The following ITPR2 variants were observed in gnomAD, a reference collection of about 807,000 sequenced individuals.
ITPR2 encodes inositol 1,4,5-trisphosphate receptor type 2, also known as inositol 1,4,5-trisphosphate-gated calcium channel ITPR2.
In ITPR2, 207 loss-of-function variants were observed where a neutral mutation model predicts 317.1. The ratio of observed to expected loss-of-function variants is 0.65; its 90% CI spans 0.58 to 0.73. ITPR2 has a LOEUF of 0.73. Among genes scored for constraint, ITPR2 ranks in the 30% least tolerant of loss-of-function variants. The pLI is 0.00. For synonymous variants in ITPR2, 1,156 were observed against 1,149.1 expected (o/e 1.01, Z -0.12); for missense variants, 2,613 against 3,284.0 (o/e 0.80, Z 4.99).
At chr12:26,372,119 G>T (rs1389223530) in intron 55 of ITPR2, among the ~76,000 whole-genome samples, 1 of 152,144 alleles carries the variant, frequency 6.6e-6, no homozygotes, top group African/African-American at 2.4e-5. Flanking sequence ...CTCTTCCCAT[G>T]CTAGAGGACA....
Position 26,741,455 on chromosome 12 carries a change from A to G in ITPR2, c.164-15690T>C, listed in dbSNP as rs140997998. Among the ~76,000 whole-genome samples, 11 of 152,354 alleles carry G rather than the reference A, an allele frequency of 7.2e-5. No homozygotes were observed. The East Asian group carries it at 2.1e-3, about 29-fold the overall frequency. On this transcript the variant is annotated intron_variant, in intron 2 of 56. Transcript: ENST00000381340. Reference sequence around the variant, plus strand: ...CAGGACCTCTGTTTTAGCCAGTTTTATACACATGTTTTATAAACATGTTTT... The same window carrying G: ...CAGGACCTCTGTTTTAGCCAGTTTTGTACACATGTTTTATAAACATGTTTT...
At position 26,336,208 on chromosome 12, in the gene ITPR2, C is replaced by A. The variant is rs1937909710; in HGVS notation, c.*3189G>T. ...AAATCCCTATCTCCACCTTCTCTCA[C>A]CAACTCCCCAGCCTCCCCACTCATT... is the stretch of plus-strand genomic sequence containing the variant. On this transcript the variant is annotated 3_prime_UTR_variant, in exon 57 of 57. Transcript: ENST00000381340. Among the ~76,000 whole-genome samples, 1 of 152,188 alleles carries A rather than the reference C, an allele frequency of 6.6e-6. No homozygotes were observed. The highest frequency in any genetic ancestry group is 1.5e-5 in the Non-Finnish European group (1 of 68,036).
At chr12:26,743,680 G>C (rs1949272764) in intron 2 of ITPR2, among the ~76,000 whole-genome samples, 1 of 152,156 alleles carries the variant, frequency 6.6e-6, no homozygotes, top group South Asian at 2.1e-4. Context: ...ATCACCTGAG[G>C]TCAGGAGTTC....
intron 26 of ITPR2, among the ~76,000 whole-genome samples, chr12:26,610,301 A>G (rs1946232457): frequency 6.6e-6 from 1 of 152,242 alleles, no homozygotes; most frequent in Admixed American, 6.5e-5. Context: ...TCTCATACCA[A>G]CACTTGGAAA....
chr12:26,530,919 T>C (rs1943927508), intron 37 of ITPR2, among the ~76,000 whole-genome samples: 2 of 152,170 alleles, frequency 1.3e-5, no homozygotes, highest in Non-Finnish European at 2.9e-5. Context: ...AAGCCCAAAA[T>C]AAATCATAAA....
intron 34 of ITPR2, among the ~76,000 whole-genome samples, chr12:26,570,902 C>T (rs1945142201): frequency 6.6e-6 from 1 of 152,174 alleles, no homozygotes; most frequent in Admixed American, 6.5e-5. Flanking sequence ...CCATGGTGTA[C>T]ATTTACTGCA....
At chr12:26,728,275 C>A (rs887449610) in intron 2 of ITPR2, among the ~76,000 whole-genome samples, 1 of 152,074 alleles carries the variant, frequency 6.6e-6, no homozygotes, top group Non-Finnish European at 1.5e-5. Flanking sequence ...AGCAGCCAAA[C>A]CAGAGGCTTA....
chr12:26,402,382 T>A (rs994512832), intron 52 of ITPR2, among the ~76,000 whole-genome samples: 1 of 152,196 alleles, frequency 6.6e-6, no homozygotes, highest in East Asian at 1.9e-4. Context: ...TACCTGGTCA[T>A]GTCACAGGTG....
intron 50 of ITPR2, among the ~76,000 whole-genome samples, chr12:26,418,523 T>C (rs563902944): frequency 6.6e-6 from 1 of 152,316 alleles, no homozygotes; most frequent in Admixed American, 6.5e-5. Flanking sequence ...TATATGTAGA[T>C]AAGTTTAACA....
chr12:26,342,901 G>A (rs893811822), intron 55 of ITPR2, among the ~76,000 whole-genome samples: 2 of 151,920 alleles, frequency 1.3e-5, no homozygotes, highest in African/African-American at 2.4e-5. Flanking sequence ...GAGCCACCAC[G>A]TCCGGTGAGT....
intron 32 of ITPR2, among the ~76,000 whole-genome samples, chr12:26,594,740 C>CAA (rs35900258): frequency 1.4e-4 from 20 of 141,560 alleles, no homozygotes; most frequent in African/African-American, 5.2e-4. Flanking sequence ...ATTCAGTATG[C>CAA]AAAAAAAAAA....
At chr12:26,535,388 C>T (rs890193854) in intron 37 of ITPR2, among the ~76,000 whole-genome samples, 1 of 152,200 alleles carries the variant, frequency 6.6e-6, no homozygotes, top group Middle Eastern at 3.2e-3. Context: ...CATTAAATAA[C>T]ACCCATTGGT....
intron 22 of ITPR2, among the ~76,000 whole-genome samples, chr12:26,629,835 C>T (rs10842765): frequency 0.22 from 33,132 of 151,996 alleles, 3,871 homozygotes; most frequent in East Asian, 0.35. Flanking sequence ...CAGCTGTACT[C>T]AGCTGGTTAA....
In ITPR2 at chr12:26,439,297, A is replaced by C; in HGVS notation, c.6473T>G (p.Met2158Arg). ...GGGGACAGGAAAAACTATTTGTTCC[A>C]TGGTCCTATCATGCCGGACAATCTG... ...QIEIVRHDRT[M>R]EQIVFPVPNI... The change falls in exon 47 of 57, where the codon ATG (methionine) becomes AGG (arginine). Residue 2158 changes from methionine to arginine, a missense_variant. Met to Arg is a moderately conservative substitution (Grantham distance 91, BLOSUM62 -1). Around this residue, in one of 9 missense-constraint regions of ITPR2, gnomAD observed 926 missense variants for 1,072.8 expected, o/e 0.86. Transcript: ENST00000381340. 1 of 1,608,838 alleles carries C rather than the reference A, an allele frequency of 6.2e-7. No individual in the cohort carries two copies. The highest frequency in any genetic ancestry group is 2.2e-5 in the East Asian group (1 of 44,650).
intron 21 of ITPR2, among the ~76,000 whole-genome samples, chr12:26,649,796 GATAGA>G (rs1947200841): frequency 6.7e-6 from 1 of 149,424 alleles, no homozygotes; most frequent in Admixed American, 6.7e-5. Flanking sequence ...TAGATAGATA[GATAGA>G]TAGATAGATA....
At chr12:26,491,376 G>A (rs1287148225) in intron 39 of ITPR2, among the ~76,000 whole-genome samples, 2 of 150,990 alleles carry the variant, frequency 1.3e-5, no homozygotes, top group Non-Finnish European at 2.9e-5. Context: ...CCAGCTACTC[G>A]GGAGGCTGAG....
At chr12:26,612,285 GTCT>G (rs1306597979) in intron 26 of ITPR2, among the ~76,000 whole-genome samples, 4 of 152,182 alleles carry the variant, frequency 2.6e-5, no homozygotes, top group South Asian at 4.2e-4. Context: ...AAGTTATCTG[GTCT>G]TCTGATATCT....
chr12:26,650,492 C>A (rs1355862790), intron 21 of ITPR2, among the ~76,000 whole-genome samples: 1 of 152,078 alleles, frequency 6.6e-6, no homozygotes, highest in African/African-American at 2.4e-5. Flanking sequence ...AATAAATGTA[C>A]CCCTCTAGTG....
intron 37 of ITPR2, among the ~76,000 whole-genome samples, chr12:26,543,893 T>C (rs1220806545): frequency 6.6e-6 from 1 of 152,204 alleles, no homozygotes; most frequent in African/African-American, 2.4e-5. Flanking sequence ...CTGCTGTTGT[T>C]ACGTTTAAAA....
Sources: gnomAD v4.1 joint callset for allele counts (sites outside exome capture counted in the v4.1 genomes callset) on GRCh38, gnomAD v4.1.1 for gene constraint, gnomAD v4.1.1 regional missense constraint, MANE v1.5 for transcripts, NCBI Gene and HGNC (gene_info 2026-07-23, HGNC 2026-07-21) for gene names.